The following TENM1 variants were observed in gnomAD, a reference collection of about 807,000 sequenced individuals.
TENM1 encodes teneurin-1.
In TENM1, 35 loss-of-function variants were observed where a neutral mutation model predicts 174.8. The observed-to-expected ratio is 0.20, with a 90% confidence interval of 0.15 to 0.27. The LOEUF is 0.27. Among genes scored for constraint, TENM1 ranks in the 10% least tolerant of loss-of-function variants. The pLI, the probability that TENM1 is intolerant of heterozygous loss-of-function variation, is 1.00. For missense variants in TENM1, 1,633 were observed against 2,130.1 expected, an observed-to-expected ratio of 0.77 and a Z score of 4.59; for synonymous variants, 781 against 798.7, an observed-to-expected ratio of 0.98 and a Z score of 0.37.
the TENM1 span, among the ~76,000 whole-genome samples, chrX:124,984,634 A>C: frequency 9.0e-6 from 1 of 111,416 alleles, no homozygotes; most frequent in Non-Finnish European, 1.9e-5. Flanking sequence ...ATTGGCCTAA[A>C]TCTTTATGGA....
intron 20 of TENM1, among the ~76,000 whole-genome samples, chrX:124,492,600 T>C (rs1250985803): frequency 1.8e-5 from 2 of 111,037 alleles, no homozygotes; most frequent in Non-Finnish European, 3.8e-5. Flanking sequence ...ACTGGTTTGA[T>C]GGTTTTGAAT....
intron 11 of TENM1, among the ~76,000 whole-genome samples, chrX:124,618,490 C>T (rs1264298085): frequency 9.0e-6 from 1 of 111,198 alleles, no homozygotes; most frequent in East Asian, 2.8e-4. Context: ...GTTATATTTT[C>T]TGTCCCATTA....
Position 124,756,275 on chromosome X carries a change from A to T in TENM1, c.536-19078T>A, listed in dbSNP as rs768074858. 2.9e-5 allele frequency among the ~76,000 whole-genome samples: 3 copies of T among 103,115 alleles called. No individual in the cohort carries two copies. The East Asian group carries it at 9.0e-4, about 31-fold the overall frequency. The allele number at this position is 103,115 out of a possible 115,157, so 89.5% of individuals were successfully genotyped here. A position where few individuals can be genotyped will look rare whatever the true frequency, so the allele number is the denominator to read the frequency against. ...TCACTGATACCCTTTATTCCAGTTG[A>T]TCGCATCGGCTCCTGAGGCTTCTGC... On this transcript the variant is annotated intron_variant, in intron 3 of 31. Transcript: ENST00000422452.
At chrX:124,630,303 T>C (rs2050728253) in intron 11 of TENM1, among the ~76,000 whole-genome samples, 1 of 112,187 alleles carries the variant, frequency 8.9e-6, no homozygotes, top group Non-Finnish European at 1.9e-5. Context: ...AAACTACTTA[T>C]TCTTGACTCC....
chrX:124,952,335 GGT>G (rs34542293), intron 1 of TENM1, among the ~76,000 whole-genome samples: 27,546 of 98,016 alleles, frequency 0.28, 2,985 homozygotes, highest in African/African-American at 0.35. Flanking sequence ...TTATGTATGG[GGT>G]GTGTGTGTGT....
At chrX:124,623,413 T>A (rs769815666) in intron 11 of TENM1, among the ~76,000 whole-genome samples, 14 of 111,899 alleles carry the variant, frequency 1.3e-4, no homozygotes, top group African/African-American at 4.5e-4. Flanking sequence ...TGTGTTTGAC[T>A]GTATGAATAT....
chrX:125,122,014 C>A, the TENM1 span, among the ~76,000 whole-genome samples: 1 of 112,219 alleles, frequency 8.9e-6, no homozygotes, highest in Non-Finnish European at 1.9e-5. Flanking sequence ...TTTGAGGCTG[C>A]AGGGAGCTAT....
chrX:125,023,986 A>G, the TENM1 span, among the ~76,000 whole-genome samples: 1 of 112,469 alleles, frequency 8.9e-6, no homozygotes, highest in African/African-American at 3.2e-5. Context: ...AAAATGCTCA[A>G]CATCATTAAT....
the TENM1 span, among the ~76,000 whole-genome samples, chrX:124,977,177 C>T: frequency 1.8e-5 from 2 of 111,695 alleles, no homozygotes; most frequent in Non-Finnish European, 3.8e-5. Context: ...AATGCCCTTT[C>T]TCCCTCAGAG....
At chrX:124,635,184 AT>A (rs975177318) in intron 11 of TENM1, among the ~76,000 whole-genome samples, 1 of 111,624 alleles carries the variant, frequency 9.0e-6, no homozygotes, top group Non-Finnish European at 1.9e-5. Flanking sequence ...CTCATGGGCC[AT>A]TTTGCTAATC....
chrX:124,882,692 G>C (rs1434141037), intron 3 of TENM1, among the ~76,000 whole-genome samples: 1 of 112,028 alleles, frequency 8.9e-6, no homozygotes, highest in Non-Finnish European at 1.9e-5. Flanking sequence ...TGAGTAATGT[G>C]ATGCCTCCAG....
At chrX:124,400,730 C>T (rs758626363) in intron 27 of TENM1, among the ~76,000 whole-genome samples, 1 of 112,050 alleles carries the variant, frequency 8.9e-6, no homozygotes, top group Non-Finnish European at 1.9e-5. Context: ...ATGGACATAG[C>T]AAGGTACAAA....
the TENM1 span, among the ~76,000 whole-genome samples, chrX:125,139,634 G>A: frequency 1.8e-5 from 2 of 110,864 alleles, no homozygotes; most frequent in Non-Finnish European, 3.8e-5. Flanking sequence ...AAAATTGAGA[G>A]CTGCTATATC....
intron 25 of TENM1, 128 bp downstream of exon 28, chrX:124,420,183 T>C (rs1352034475): frequency 3.6e-6 from 3 of 839,461 alleles, no homozygotes; most frequent in Non-Finnish European, 5.0e-6. Context: ...TGACTTTTCA[T>C]TTTTTAAAAT....
chrX:124,447,978 C>A (rs1244549517), intron 23 of TENM1, among the ~76,000 whole-genome samples: 1 of 111,496 alleles, frequency 9.0e-6, no homozygotes, highest in East Asian at 2.8e-4. Flanking sequence ...TATCTGGATG[C>A]CACACAGGCA....
chrX:124,885,610 A>G (rs908024103), intron 3 of TENM1, among the ~76,000 whole-genome samples: 6 of 111,148 alleles, frequency 5.4e-5, no homozygotes, highest in Non-Finnish European at 9.4e-5. Flanking sequence ...GCACGGAAAG[A>G]AAAAGGTAAG....
At chrX:124,570,407 A>C (rs2843533) in intron 11 of TENM1, among the ~76,000 whole-genome samples, 45,670 of 110,131 alleles carry the variant, frequency 0.41, 7,942 homozygotes, top group East Asian at 0.82. Flanking sequence ...AAAATATATG[A>C]CAGTCTTTCT....
intron 3 of TENM1, among the ~76,000 whole-genome samples, chrX:124,777,817 A>G (rs1227191659): frequency 8.9e-6 from 1 of 112,556 alleles, no homozygotes; most frequent in East Asian, 2.8e-4. Context: ...TTAATATTGC[A>G]AAGGTCAGCA....
At chrX:125,126,318 ATTTGTTC>A in the TENM1 span, among the ~76,000 whole-genome samples, 1 of 111,552 alleles carries the variant, frequency 9.0e-6, no homozygotes, top group Non-Finnish European at 1.9e-5. Flanking sequence ...TGAAGTGATA[ATTTGTTC>A]CAGTGGTATT....
Sources: gnomAD v4.1 joint callset for allele counts (sites outside exome capture counted in the v4.1 genomes callset) on GRCh38, gnomAD v4.1.1 for gene constraint, MANE v1.5 for transcripts, NCBI Gene and HGNC (gene_info 2026-07-23, HGNC 2026-07-21) for gene names.